The following KIF20B variants were observed in gnomAD, a reference collection of about 807,000 sequenced individuals.
KIF20B encodes kinesin family member 20B.
KIF20B carries 188 observed loss-of-function variants against 232.5 expected under a neutral mutation model. The ratio of observed to expected loss-of-function variants is 0.81; its 90% CI spans 0.72 to 0.91. The LOEUF is 0.91. Among genes scored for constraint, KIF20B ranks in the 40% least tolerant of loss-of-function variants. The pLI is 0.00. For missense variants in KIF20B, 2,154 were observed against 2,055.9 expected (o/e 1.05, Z -0.92); for synonymous variants, 712 against 683.0 (o/e 1.04, Z -0.66).
At position 89,719,692 on chromosome 10, in the gene KIF20B, C is replaced by T. The variant is rs780550307; in HGVS notation, c.1708C>T (p.His570Tyr). The change falls in exon 13 of 33, where the codon CAC becomes TAC. Residue 570 changes from histidine to tyrosine, a missense_variant. Coordinates refer to ENST00000371728, the MANE Select transcript of KIF20B (RefSeq NM_001284259.2). ...AGAGGAAAATAAGGCTTTCATTAGC[C>T]ACGAGGAGAAAAGAGTATGTATTAA... is the stretch of plus-strand genomic sequence containing the variant. ...TLEENKAFIS[H>Y]EEKRKLLDLI... 3.1e-6 allele frequency: 5 copies of T among 1,602,412 alleles called. No individual in the cohort carries two copies. The Admixed American group carries it at 5.2e-5, about 17-fold the overall frequency.
intron 23 of KIF20B, among the ~76,000 whole-genome samples, chr10:89,748,939 T>G (rs1841973097): frequency 6.6e-6 from 1 of 152,226 alleles, no homozygotes; most frequent in Non-Finnish European, 1.5e-5. Context: ...CAATCCCTGC[T>G]TTTTATTTTT....
chr10:89,757,069 T>TATATATATATATATATATATAC (rs138088478), intron 26 of KIF20B, among the ~76,000 whole-genome samples: 6 of 134,370 alleles, frequency 4.5e-5, no homozygotes, highest in Non-Finnish European at 9.3e-5. Context: ...TATATATATA[T>TATATATATATATATATATATAC]ACACACATGA....
At chr10:89,772,541 C>T (rs1842484941) in intron 31 of KIF20B, 148 bp from the exon 32 acceptor site, 1 of 434,790 alleles carries the variant, frequency 2.3e-6, no homozygotes, top group African/African-American at 2.1e-5. Context: ...TCTATTCATG[C>T]CCTTTCACCA....
intron 18 of KIF20B, among the ~76,000 whole-genome samples, chr10:89,731,897 A>C (rs1031949906): frequency 4.6e-5 from 7 of 152,176 alleles, no homozygotes; most frequent in Non-Finnish European, 8.8e-5. Context: ...CCATTACTTT[A>C]TGACTTTAAA....
Position 89,752,702 on chromosome 10 carries a change from A to G in KIF20B, c.4347+11A>G. ...CAAGATGAGTTACAGGTATGACTTT[A>G]TGTATGTTTTTATGTATGAATGTAT... On this transcript the variant is annotated intron_variant, in intron 25 of 32. Coordinates refer to ENST00000371728, the MANE Select transcript of KIF20B (RefSeq NM_001284259.2). The G allele has an allele frequency of 6.6e-7, 1 of 1,522,278 alleles. No homozygotes were observed. Among genetic ancestry groups the G allele is most frequent in the Non-Finnish European group, 8.8e-7 (1 of 1,137,030 alleles). The allele number at this position is 1,522,278 out of a possible 1,614,324, so 94.3% of individuals were successfully genotyped here.
chr10:89,734,918 A>G (rs1841615762), intron 19 of KIF20B, among the ~76,000 whole-genome samples: 1 of 152,230 alleles, frequency 6.6e-6, no homozygotes, highest in Non-Finnish European at 1.5e-5. Context: ...GAAATTTTCA[A>G]AAATAATACC....
chr10:89,766,648 TTTC>T (rs1842367051), intron 29 of KIF20B, among the ~76,000 whole-genome samples: 1 of 152,108 alleles, frequency 6.6e-6, no homozygotes, highest in African/African-American at 2.4e-5. Flanking sequence ...CAAAATAATT[TTTC>T]TTCAACTTTC....
In KIF20B at chr10:89,709,425, C is replaced by T. The variant is rs1342898825; in HGVS notation, c.315C>T (p.Ser105=). ...QCILGRLSEK[S]SGQMAQKFSF... ...TCCTTGGTCGGTTAAGTGAAAAAAG[C>T]TCAGGGCAGATGGCACAGAAATTCA... Residue 105 remains serine (S), a synonymous_variant, in exon 4 of 33, where the codon AGC becomes AGT. Transcript: ENST00000371728. 1 of 1,613,098 alleles carries T rather than the reference C, an allele frequency of 6.2e-7. No homozygotes were observed.
chr10:89,772,595 A>G, intron 31 of KIF20B, 94 bp from the exon 32 acceptor site: 4 of 737,384 alleles, frequency 5.4e-6, no homozygotes, highest in Non-Finnish European at 8.6e-6. Flanking sequence ...TTCATTCTTT[A>G]TTAAGGATTT....
At position 89,736,240 on chromosome 10, in the gene KIF20B, G is replaced by A. The variant is rs557386755; in HGVS notation, c.2546-1147G>A. On this transcript the variant is annotated intron_variant, in intron 19 of 32. Coordinates refer to ENST00000371728, the MANE Select transcript of KIF20B (RefSeq NM_001284259.2). ...GCCTGTTTTGAAGTAAGGTTTCGAG[G>A]ATCTGAGACACTCATCTGACCCTTA... is the stretch of plus-strand genomic sequence containing the variant. 6.6e-5 allele frequency among the ~76,000 whole-genome samples: 10 copies of A among 152,168 alleles called. No homozygotes were observed. In the South Asian group the frequency reaches 2.1e-3, roughly 32 times the overall value.
At chr10:89,738,923 T>G in intron 20 of KIF20B, 35 bp from the exon 21 acceptor site, 1 of 1,593,910 alleles carries the variant, frequency 6.3e-7, no homozygotes, top group Non-Finnish European at 8.5e-7. Flanking sequence ...CAGTTAATGA[T>G]GCATTACCAT....
Position 89,772,846 on chromosome 10 carries a change from C to G in KIF20B, c.5385+15C>G. ...CAGGCCAAGTGGTAAGCTAGTATTT[C>G]TGTTTTCATCAATGTAGAACTGTTC... On this transcript the variant is annotated intron_variant, in intron 32 of 32. Transcript: ENST00000371728. The G allele has an allele frequency of 6.3e-7, 1 of 1,595,352 alleles. No individual in the cohort carries two copies. The highest frequency in any genetic ancestry group is 8.5e-7 in the Non-Finnish European group (1 of 1,172,372).
At chr10:89,744,135 T>G (rs1255359836) in intron 22 of KIF20B, among the ~76,000 whole-genome samples, 3 of 151,746 alleles carry the variant, frequency 2.0e-5, no homozygotes, top group African/African-American at 7.3e-5. Context: ...ATGAATAGAC[T>G]ATGGAAAAGA....
chr10:89,753,467 G>GA (rs1405241015), intron 25 of KIF20B, among the ~76,000 whole-genome samples: 1 of 152,036 alleles, frequency 6.6e-6, no homozygotes, highest in Non-Finnish European at 1.5e-5. Flanking sequence ...TAAATATTAT[G>GA]AAAAAAGTGT....
intron 23 of KIF20B, 112 bp downstream of exon 23, chr10:89,746,071 G>A: frequency 2.7e-6 from 2 of 747,454 alleles, no homozygotes; most frequent in Non-Finnish European, 4.6e-6. Context: ...CAAACCCCTA[G>A]GGGGAGCATG....
In KIF20B at chr10:89,737,813, A is replaced by G. The variant is rs764883701; in HGVS notation, c.2972A>G (p.Glu991Gly). The G allele has an allele frequency of 4.3e-6, 7 of 1,613,228 alleles. No homozygotes were observed. The highest frequency in any genetic ancestry group is 1.7e-6 in the Non-Finnish European group (2 of 1,179,560). ...AAATTAATGCACACGAAAATAGACG[A>G]ACTACGTACTCTTGATTCAGTTTCT... The part of the protein sequence containing the change: ...QIKLMHTKID[E>G]LRTLDSVSQI... The change falls in exon 20 of 33, where the codon GAA becomes GGA. Residue 991 changes from glutamate (E) to glycine (G), a missense_variant. Physicochemically the swap from Glu to Gly is moderately conservative, Grantham distance 98 (BLOSUM62 -2). Transcript: ENST00000371728.
Position 89,716,545 on chromosome 10 carries a change from A to C in KIF20B, c.1050A>C (p.Arg350Ser). The C allele has an allele frequency of 1.4e-6, 2 of 1,416,280 alleles. No individual in the cohort carries two copies. Among genetic ancestry groups the C allele is most frequent in the Non-Finnish European group, 2.0e-6 (2 of 1,012,440 alleles). 87.7% of individuals were successfully genotyped at this position (1,416,280 alleles called of 1,614,324 possible). ...AFTKLNNASSRSHSIFTVKIL... is the reference protein window; with the variant it reads ...AFTKLNNASSSSHSIFTVKIL... ...CAAAATTGAATAATGCTTCCAGTAG[A>C]AGGTAAAGAATAAACTCTGTAAGAG... Residue 350 changes from arginine (R) to serine (S), a missense_variant and splice_region_variant, in exon 9 of 33, where the codon AGA (arginine) becomes AGC (serine). Transcript: ENST00000371728.
intron 16 of KIF20B, among the ~76,000 whole-genome samples, chr10:89,727,282 C>T (rs1843212448): frequency 6.8e-6 from 1 of 146,462 alleles, no homozygotes; most frequent in Admixed American, 6.9e-5. Flanking sequence ...AAGACAGGGT[C>T]TCACTCTGTC....
Position 89,724,214 on chromosome 10 carries a change from T to C in KIF20B, c.1862+111T>C. 3 of 1,065,628 alleles carry C rather than the reference T, an allele frequency of 2.8e-6. No individual in the cohort carries two copies. In the South Asian group the frequency reaches 7.7e-5, roughly 27 times the overall value. The allele number at this position is 1,065,628 out of a possible 1,614,324, so 66.0% of individuals were successfully genotyped here. On this transcript the variant is annotated intron_variant, in intron 14 of 32. Coordinates refer to ENST00000371728, the MANE Select transcript of KIF20B (RefSeq NM_001284259.2). ...ATTAGGTGGCTTCTGAATTCTGATC[T>C]CTTTATACAAGCTTGAAAATAGCTG...
Sources: gnomAD v4.1 joint callset for allele counts (sites outside exome capture counted in the v4.1 genomes callset) on GRCh38, gnomAD v4.1.1 for gene constraint, MANE v1.5 for transcripts, NCBI Gene and HGNC (gene_info 2026-07-23, HGNC 2026-07-21) for gene names.